The following COG5 variants were observed in gnomAD, a reference collection of about 807,000 sequenced individuals.
COG5 encodes the protein conserved oligomeric Golgi complex subunit 5.
COG5 carries 86 observed loss-of-function variants against 110.4 expected under a neutral mutation model. The observed-to-expected ratio is 0.78, with a 90% CI of 0.65 to 0.93. COG5 has a LOEUF of 0.93. Ranked by LOEUF, COG5 falls within the 40% of genes least tolerant of loss-of-function variation. The pLI is 0.00. For synonymous variants in COG5, 360 were observed against 334.6 expected (o/e 1.08, Z -0.83); for missense variants, 1,077 against 987.0 (o/e 1.09, Z -1.22).
chr7:107,416,273 A>G (rs995894291), intron 6 of COG5, among the ~76,000 whole-genome samples: 1 of 152,010 alleles, frequency 6.6e-6, no homozygotes, highest in Non-Finnish European at 1.5e-5. Flanking sequence ...AAATTTTGTA[A>G]TATATTCATT....
At chr7:107,256,614 C>A in intron 16 of COG5, 118 bp downstream of exon 16, 3 of 692,380 alleles carry the variant, frequency 4.3e-6, no homozygotes, top group Non-Finnish European at 5.2e-6. Flanking sequence ...TATCAACATG[C>A]TACTTTTGTA....
chr7:107,307,982 G>A (rs1807878898), intron 11 of COG5, among the ~76,000 whole-genome samples: 2 of 152,150 alleles, frequency 1.3e-5, no homozygotes, highest in Admixed American at 1.3e-4. Context: ...AATCAGTGGT[G>A]ACATCTGCCT....
intron 6 of COG5, among the ~76,000 whole-genome samples, chr7:107,499,041 A>G (rs1260804999): frequency 6.6e-6 from 1 of 152,230 alleles, no homozygotes; most frequent in East Asian, 1.9e-4. Context: ...AAAATAAGCC[A>G]GTCACAGAAA....
chr7:107,345,065 T>C (rs1811482294), intron 10 of COG5, among the ~76,000 whole-genome samples: 1 of 152,150 alleles, frequency 6.6e-6, no homozygotes, highest in South Asian at 2.1e-4. Flanking sequence ...GGGTTATTAA[T>C]TGGCCTAACT....
At chr7:107,482,031 T>C (rs748007062) in intron 6 of COG5, among the ~76,000 whole-genome samples, 3 of 152,130 alleles carry the variant, frequency 2.0e-5, no homozygotes, top group Non-Finnish European at 4.4e-5. Flanking sequence ...GTAGTCCACC[T>C]CTATCAGAGA....
At chr7:107,421,098 T>C (rs1427760299) in intron 6 of COG5, among the ~76,000 whole-genome samples, 1 of 152,210 alleles carries the variant, frequency 6.6e-6, no homozygotes, top group Non-Finnish European at 1.5e-5. Flanking sequence ...TGTCCATCTG[T>C]TCTTCTGGGC....
intron 19 of COG5, among the ~76,000 whole-genome samples, chr7:107,213,986 A>C (rs1184188206): frequency 6.6e-6 from 1 of 152,212 alleles, no homozygotes; most frequent in Non-Finnish European, 1.5e-5. Context: ...GAAGTTCAGG[A>C]AACTACAAGA....
chr7:107,405,621 T>A (rs1421665933), intron 7 of COG5, among the ~76,000 whole-genome samples: 1 of 152,240 alleles, frequency 6.6e-6, no homozygotes, highest in African/African-American at 2.4e-5. Context: ...GTAAATTTCA[T>A]GAACTGAACC....
intron 11 of COG5, among the ~76,000 whole-genome samples, chr7:107,318,949 C>T (rs1173905091): frequency 6.6e-6 from 1 of 152,200 alleles, no homozygotes; most frequent in Non-Finnish European, 1.5e-5. Flanking sequence ...TTCCCTTCCT[C>T]TCTTGGCTCT....
At chr7:107,335,473 A>G (rs895783647) in intron 10 of COG5, among the ~76,000 whole-genome samples, 1 of 152,244 alleles carries the variant, frequency 6.6e-6, no homozygotes. Context: ...AACATTTACT[A>G]AAAATAAAAA....
chr7:107,545,779 C>CAAAAAAAAAAA (rs59515448), intron 5 of COG5, among the ~76,000 whole-genome samples: 5 of 69,816 alleles, frequency 7.2e-5, no homozygotes, highest in African/African-American at 1.2e-4. Flanking sequence ...GACTCCATCT[C>CAAAAAAAAAAA]AAAAAAAAAA....
At chr7:107,453,119 A>G (rs1795441871) in intron 6 of COG5, among the ~76,000 whole-genome samples, 1 of 152,226 alleles carries the variant, frequency 6.6e-6, no homozygotes, top group African/African-American at 2.4e-5. Context: ...TGTAATGAAT[A>G]TTTGTTAAAT....
intron 12 of COG5, among the ~76,000 whole-genome samples, chr7:107,286,126 A>T (rs1805607775): frequency 6.6e-6 from 1 of 151,688 alleles, no homozygotes; most frequent in Admixed American, 6.6e-5. Context: ...TTTTCAGGGA[A>T]ATTGCTTTCC....
chr7:107,365,742 C>T, intron 8 of COG5, among the ~76,000 whole-genome samples: 1 of 151,200 alleles, frequency 6.6e-6, no homozygotes, highest in East Asian at 1.9e-4. Context: ...ACTGAGAATG[C>T]TAGGATTCAA....
At chr7:107,408,932 T>C (rs372232858) in intron 7 of COG5, among the ~76,000 whole-genome samples, 46 of 152,080 alleles carry the variant, frequency 3.0e-4, no homozygotes, top group African/African-American at 1.1e-3. Context: ...CTCCCAACCA[T>C]ATCCTATAAT....
At chr7:107,216,650 C>CA (rs745393175) in intron 19 of COG5, among the ~76,000 whole-genome samples, 1 of 152,076 alleles carries the variant, frequency 6.6e-6, no homozygotes, top group Non-Finnish European at 1.5e-5. Context: ...CCTCAACAAC[C>CA]AATGGGTCAA....
intron 8 of COG5, among the ~76,000 whole-genome samples, chr7:107,369,627 G>C (rs1396996242): frequency 6.6e-6 from 1 of 152,022 alleles, no homozygotes; most frequent in Admixed American, 6.6e-5. Flanking sequence ...GACCTCAAGT[G>C]ATCTGCCCAC....
intron 6 of COG5, among the ~76,000 whole-genome samples, chr7:107,450,613 G>A (rs1026265849): frequency 6.6e-6 from 1 of 152,164 alleles, no homozygotes; most frequent in Non-Finnish European, 1.5e-5. Context: ...AGAAAAGCAA[G>A]CACCAGGATT....
chr7:107,357,961 G>A (rs1236403880), intron 10 of COG5, among the ~76,000 whole-genome samples: 3 of 152,274 alleles, frequency 2.0e-5, no homozygotes, highest in Admixed American at 1.3e-4. Context: ...CAGCCACTGT[G>A]CCTGGACTCA....
Sources: gnomAD v4.1 joint callset for allele counts (sites outside exome capture counted in the v4.1 genomes callset) on GRCh38, gnomAD v4.1.1 for gene constraint, MANE v1.5 for transcripts, NCBI Gene and HGNC (gene_info 2026-07-23, HGNC 2026-07-21) for gene names.